The following ZC3H12B variants were observed in gnomAD, a reference collection of about 807,000 sequenced individuals.
ZC3H12B encodes the protein probable ribonuclease ZC3H12B.
Under a neutral mutation model 43.9 loss-of-function variants are expected in ZC3H12B, and 7 were observed. That is an observed-to-expected ratio of 0.16 (90% CI 0.09 to 0.30). ZC3H12B has a LOEUF of 0.30. Among genes scored for constraint, ZC3H12B ranks in the 10% least tolerant of loss-of-function variants. The probability of loss-of-function intolerance (pLI) is 1.00; values close to 1 mark genes in which losing one functional copy is unlikely to be tolerated. For missense variants in ZC3H12B, 475 were observed against 670.2 expected (o/e 0.71, Z 3.22); for synonymous variants, 222 against 241.7 (o/e 0.92, Z 0.76).
the ZC3H12B span, among the ~76,000 whole-genome samples, chrX:65,164,589 A>G: frequency 1.8e-5 from 2 of 111,803 alleles, no homozygotes. Flanking sequence ...TTCAAAGTTG[A>G]ACAAATTAAA....
At chrX:65,376,797 A>G (rs924783711) in intron 2 of ZC3H12B, among the ~76,000 whole-genome samples, 4 of 111,173 alleles carry the variant, frequency 3.6e-5, no homozygotes, top group Non-Finnish European at 7.5e-5. Context: ...CTCAAGATGG[A>G]CTGAGTAAAA....
chrX:65,057,458 A>C, the ZC3H12B span, among the ~76,000 whole-genome samples: 1 of 111,947 alleles, frequency 8.9e-6, no homozygotes, highest in Non-Finnish European at 1.9e-5. Context: ...ATCTGCTGTT[A>C]GTCTGATGGG....
the ZC3H12B span, among the ~76,000 whole-genome samples, chrX:65,193,649 T>G: frequency 8.9e-6 from 1 of 112,089 alleles, no homozygotes; most frequent in Non-Finnish European, 1.9e-5. Context: ...GCTCTGATTT[T>G]TATTATTTCT....
At chrX:65,237,029 G>A in the ZC3H12B span, among the ~76,000 whole-genome samples, 2 of 111,748 alleles carry the variant, frequency 1.8e-5, no homozygotes, top group African/African-American at 6.5e-5. Context: ...TGGCTGTTTG[G>A]GCTCTTTTGT....
the ZC3H12B span, among the ~76,000 whole-genome samples, chrX:65,221,025 T>C: frequency 9.0e-6 from 1 of 111,471 alleles, no homozygotes; most frequent in Non-Finnish European, 1.9e-5. Context: ...TGGAATAAAA[T>C]TGAAAATCAA....
the ZC3H12B span, among the ~76,000 whole-genome samples, chrX:65,096,997 C>T: frequency 9.0e-6 from 1 of 111,388 alleles, no homozygotes; most frequent in African/African-American, 3.3e-5. Flanking sequence ...ACCATGTTGC[C>T]TTATGCATCC....
the ZC3H12B span, among the ~76,000 whole-genome samples, chrX:65,187,558 T>G: frequency 9.0e-6 from 1 of 111,451 alleles, no homozygotes; most frequent in Non-Finnish European, 1.9e-5. Context: ...TGGACAGTAT[T>G]TAGTCAAGTC....
intron 3 of ZC3H12B, among the ~76,000 whole-genome samples, chrX:65,402,711 G>T (rs780943559): frequency 8.9e-6 from 1 of 112,251 alleles, no homozygotes; most frequent in Non-Finnish European, 1.9e-5. Context: ...CCCAAATCTC[G>T]TTTACGACCA....
rs187889387 is a variant in ZC3H12B at position 65,431,920 on chromosome X, A to G, written n.407+33216A>G. On this transcript the variant is annotated intron_variant and non_coding_transcript_variant, in intron 3 of 5. Coordinates refer to the ZC3H12B transcript ENST00000617377. ...TACCACTGTCTTCCAGGAATGTTCCAGAAATGGGCTGTTATGCTGCAGCTG... is the reference window on the plus strand; with the variant it reads ...TACCACTGTCTTCCAGGAATGTTCCGGAAATGGGCTGTTATGCTGCAGCTG... Among the ~76,000 whole-genome samples the G allele has an allele frequency of 2.7e-5, 3 of 112,324 alleles. No individual in the cohort carries two copies. In the East Asian group the frequency reaches 8.4e-4, roughly 32 times the overall value.
chrX:65,214,301 A>AT, the ZC3H12B span, among the ~76,000 whole-genome samples: 26 of 111,734 alleles, frequency 2.3e-4, no homozygotes, highest in Admixed American at 2.3e-3. Context: ...TATCTGTAGC[A>AT]TGTGATGCTG....
At chrX:65,073,399 A>G in the ZC3H12B span, among the ~76,000 whole-genome samples, 8 of 112,193 alleles carry the variant, frequency 7.1e-5, no homozygotes, top group Admixed American at 6.5e-4. Context: ...CACCAGTGCA[A>G]GAGCTACAAT....
chrX:65,361,628 C>G, the ZC3H12B span, among the ~76,000 whole-genome samples: 4 of 110,931 alleles, frequency 3.6e-5, 1 homozygote, highest in South Asian at 1.6e-3. Flanking sequence ...ATATAAAAAC[C>G]CAGCCCAGCT....
intron 3 of ZC3H12B, among the ~76,000 whole-genome samples, chrX:65,429,503 G>A (rs1476560741): frequency 8.9e-6 from 1 of 112,585 alleles, no homozygotes; most frequent in Non-Finnish European, 1.9e-5. Flanking sequence ...AATAGATTGG[G>A]GTCCCACTTA....
chrX:65,366,571 G>A (rs1180569688), upstream of ZC3H12B: 1 of 111,790 alleles, frequency 8.9e-6, no homozygotes, highest in Non-Finnish European at 1.9e-5. Flanking sequence ...CTTCTATAAA[G>A]ATTTAACTCC....
At chrX:65,461,777 C>T (rs1387350961) in intron 3 of ZC3H12B, among the ~76,000 whole-genome samples, 1 of 110,745 alleles carries the variant, frequency 9.0e-6, no homozygotes, top group Non-Finnish European at 1.9e-5. Flanking sequence ...GGGTGTAGCA[C>T]ACAAACATGG....
the ZC3H12B span, among the ~76,000 whole-genome samples, chrX:65,039,995 G>C: frequency 9.0e-6 from 1 of 111,509 alleles, no homozygotes; most frequent in African/African-American, 3.3e-5. Context: ...TTAGAATAAA[G>C]AGGAATAACT....
At chrX:65,425,151 GT>G (rs1223986102) in intron 3 of ZC3H12B, among the ~76,000 whole-genome samples, 2 of 111,399 alleles carry the variant, frequency 1.8e-5, no homozygotes, top group Admixed American at 9.6e-5. Flanking sequence ...TTGAGCAGTG[GT>G]TTCTAGCTCT....
intron 3 of ZC3H12B, among the ~76,000 whole-genome samples, chrX:65,434,863 G>T (rs1404009698): frequency 9.0e-6 from 1 of 111,183 alleles, no homozygotes; most frequent in Non-Finnish European, 1.9e-5. Flanking sequence ...GGCAGAGGTG[G>T]TAAGGCCAAT....
chrX:65,115,839 C>A, the ZC3H12B span, among the ~76,000 whole-genome samples: 10 of 111,615 alleles, frequency 9.0e-5, 1 homozygote, highest in South Asian at 3.7e-3. Flanking sequence ...GCTTTTTGGC[C>A]ATTTGTATGT....
Sources: allele counts gnomAD v4.1 joint callset (sites outside exome capture counted in the v4.1 genomes callset), GRCh38; gene constraint gnomAD v4.1.1; transcripts MANE v1.5; gene names NCBI Gene and HGNC (gene_info 2026-07-23, HGNC 2026-07-21).